The following ZNF385C variants were observed in gnomAD, a reference collection of about 807,000 sequenced individuals.
The protein encoded by ZNF385C is zinc finger protein 385C, also known as CTD-2132N18.2.
In ZNF385C, 28 loss-of-function variants were observed where a neutral mutation model predicts 35.4. The ratio of observed to expected loss-of-function variants is 0.79; its 90% confidence interval spans 0.59 to 1.08. ZNF385C has a LOEUF of 1.08. Ranked by LOEUF, ZNF385C falls within the 50% of genes least tolerant of loss-of-function variation. The pLI is 0.00. For synonymous variants in ZNF385C, 248 were observed against 248.2 expected (o/e 1.00, Z 0.01); for missense variants, 605 against 595.6 (o/e 1.02, Z -0.16).
At chr17:42,040,146 C>T (rs2052978879) in intron 2 of ZNF385C, 2 of 1,231,368 alleles carry the variant, frequency 1.6e-6, no homozygotes, top group South Asian at 4.1e-5. Flanking sequence ...GCTCCTCCGG[C>T]GCCTGCGGGT....
chr17:42,038,237 T>C, intron 2 of ZNF385C: 1 of 564,692 alleles, frequency 1.8e-6, no homozygotes, highest in East Asian at 3.2e-5. Context: ...CTGCATGATG[T>C]GCTGGGATTC....
At chr17:42,057,890 T>A (rs1555657688) in intron 2 of ZNF385C, among the ~76,000 whole-genome samples, 1 of 151,434 alleles carries the variant, frequency 6.6e-6, no homozygotes, top group East Asian at 1.9e-4. Context: ...TTGCAATGAG[T>A]TGGGATCACA....
At chr17:42,044,554 T>C (rs1264071062) in intron 2 of ZNF385C, among the ~76,000 whole-genome samples, 20 of 150,776 alleles carry the variant, frequency 1.3e-4, no homozygotes, top group Non-Finnish European at 2.5e-4. Flanking sequence ...AGGCGGAGGT[T>C]GCAGTGAGCC....
intron 2 of ZNF385C, among the ~76,000 whole-genome samples, chr17:42,041,721 C>T (rs915210588): frequency 4.6e-5 from 7 of 152,184 alleles, no homozygotes; most frequent in Admixed American, 4.6e-4. Context: ...TGGGTCCCAG[C>T]TGTGTGCTGT....
At chr17:42,068,727 A>G (rs1555658601) in intron 1 of ZNF385C, among the ~76,000 whole-genome samples, 1 of 152,218 alleles carries the variant, frequency 6.6e-6, no homozygotes, top group African/African-American at 2.4e-5. Flanking sequence ...TGCATAGATT[A>G]GAGAACAGGC....
At chr17:42,091,399 T>C (rs561193657) in intron 1 of ZNF385C, among the ~76,000 whole-genome samples, 2 of 152,146 alleles carry the variant, frequency 1.3e-5, no homozygotes, top group Non-Finnish European at 2.9e-5. Flanking sequence ...TGAGCTGTTA[T>C]CGCACCACTG....
At chr17:42,097,324 A>C (rs2143969019) in intron 1 of ZNF385C, among the ~76,000 whole-genome samples, 1 of 152,308 alleles carries the variant, frequency 6.6e-6, no homozygotes, top group South Asian at 2.1e-4. Context: ...CCCAGAAGCA[A>C]GAAGCTGGCA....
chr17:42,066,840 G>A (rs1261592671), intron 1 of ZNF385C, among the ~76,000 whole-genome samples: 31 of 152,162 alleles, frequency 2.0e-4, no homozygotes, highest in Non-Finnish European at 3.4e-4. Context: ...AGGCCGAGGT[G>A]GGTGGATCAC....
chr17:42,096,993 A>C (rs1265400404), intron 1 of ZNF385C, among the ~76,000 whole-genome samples: 4 of 150,244 alleles, frequency 2.7e-5, no homozygotes, highest in Non-Finnish European at 4.4e-5. Flanking sequence ...AAAAAAAAAA[A>C]ACCCTTCCAC....
At chr17:42,042,250 G>A (rs564474310) in intron 2 of ZNF385C, among the ~76,000 whole-genome samples, 9 of 152,058 alleles carry the variant, frequency 5.9e-5, no homozygotes, top group Admixed American at 3.3e-4. Context: ...GGCCAGGCGC[G>A]GTTGCTTACA....
At chr17:42,047,461 C>T (rs1555656730) in intron 2 of ZNF385C, among the ~76,000 whole-genome samples, 1 of 152,066 alleles carries the variant, frequency 6.6e-6, no homozygotes, top group Admixed American at 6.6e-5. Context: ...AGGCGCCTGG[C>T]CCAATTAGAC....
At position 42,037,790 on chromosome 17, in the gene ZNF385C, CG is replaced by C; in HGVS notation, c.345del (p.Ala116ProfsTer37). 1 of 1,532,110 alleles carries C rather than the reference CG, an allele frequency of 6.5e-7. No individual in the cohort carries two copies. Among genetic ancestry groups the C allele is most frequent in the Non-Finnish European group, 8.8e-7 (1 of 1,138,434 alleles). 94.9% of individuals were successfully genotyped at this position (1,532,110 alleles called of 1,614,324 possible). On this transcript the variant is annotated frameshift_variant, in exon 3 of 9. Transcript: ENST00000692273. LOFTEE classifies it high-confidence loss of function. ...GGGGCAGCGCCATTGAAGTGGAAGG[CG>C]AGCAAGTGCTTGAAGTCCAGCGGGG... ...LQPPLDFKHL[L>X]AFHFNGAAPL...
chr17:42,060,270 G>A, intron 2 of ZNF385C, among the ~76,000 whole-genome samples: 1 of 152,140 alleles, frequency 6.6e-6, no homozygotes, highest in East Asian at 1.9e-4. Context: ...AAAGGCTCCA[G>A]AATCTATTTC....
chr17:42,084,905 C>T (rs2053790025), intron 1 of ZNF385C, among the ~76,000 whole-genome samples: 1 of 152,164 alleles, frequency 6.6e-6, no homozygotes, highest in Admixed American at 6.6e-5. Context: ...GTGTGAGCCA[C>T]CATGGCTGGC....
chr17:42,055,323 G>T (rs1555657465), intron 2 of ZNF385C, among the ~76,000 whole-genome samples: 1 of 152,052 alleles, frequency 6.6e-6, no homozygotes, highest in Non-Finnish European at 1.5e-5. Context: ...CAGAATCTTT[G>T]TCTTCTTCCA....
At chr17:42,098,110 T>A (rs1442995570) in intron 1 of ZNF385C, among the ~76,000 whole-genome samples, 1 of 152,108 alleles carries the variant, frequency 6.6e-6, no homozygotes, top group Non-Finnish European at 1.5e-5. Flanking sequence ...GTCCTCACCA[T>A]CCCCAACCTG....
chr17:42,083,796 G>A (rs1470307095), intron 1 of ZNF385C, among the ~76,000 whole-genome samples: 19 of 121,598 alleles, frequency 1.6e-4, no homozygotes, highest in African/African-American at 5.5e-4. Flanking sequence ...TCAGATCACT[G>A]CAACCTCTGC....
intron 2 of ZNF385C, among the ~76,000 whole-genome samples, chr17:42,049,353 C>T (rs1313322035): frequency 2.0e-5 from 3 of 152,194 alleles, no homozygotes; most frequent in African/African-American, 7.2e-5. Context: ...TCTCTTGCTT[C>T]ATCCTCTCTC....
intron 2 of ZNF385C, chr17:42,043,587 AG>A: frequency 2.5e-6 from 1 of 396,048 alleles, no homozygotes; most frequent in Non-Finnish European, 4.4e-6. Context: ...AGACAGGCAG[AG>A]GTGTTAGGGG....
Sources: gnomAD v4.1 joint callset for allele counts (sites outside exome capture counted in the v4.1 genomes callset) on GRCh38, gnomAD v4.1.1 for gene constraint, MANE v1.5 for transcripts, NCBI Gene and HGNC (gene_info 2026-07-23, HGNC 2026-07-21) for gene names.